Variants in CCDC85A observed in about 807,000 individuals in gnomAD.
CCDC85A encodes coiled-coil domain-containing protein 85A.
Under a neutral mutation model 50.2 loss-of-function variants are expected in CCDC85A, and 38 were observed. The ratio of observed to expected loss-of-function variants is 0.76; its 90% CI spans 0.58 to 0.99. The LOEUF is 0.99. Ranked by LOEUF, CCDC85A falls within the 50% of genes least tolerant of loss-of-function variation. The pLI, the probability that CCDC85A is intolerant of heterozygous loss-of-function variation, is 0.00. For synonymous variants in CCDC85A, 366 were observed against 301.4 expected, an observed-to-expected ratio of 1.21 and a Z score of -2.22; for missense variants, 820 against 742.0, an observed-to-expected ratio of 1.11 and a Z score of -1.22.
intron 2 of CCDC85A, among the ~76,000 whole-genome samples, chr2:56,292,771 G>A (rs1274029954): frequency 6.6e-6 from 1 of 152,150 alleles, no homozygotes; most frequent in Non-Finnish European, 1.5e-5. Flanking sequence ...CATAGGGAAG[G>A]ATTTTTGTTT....
chr2:56,378,073 A>G (rs532737367), intron 5 of CCDC85A, among the ~76,000 whole-genome samples: 13 of 152,312 alleles, frequency 8.5e-5, no homozygotes, highest in African/African-American at 2.9e-4. Context: ...TAGGACACAG[A>G]AATATGTACA....
intron 3 of CCDC85A, 142 bp from the exon 4 acceptor site, chr2:56,372,202 T>C (rs1676106956): frequency 2.8e-6 from 2 of 711,066 alleles, no homozygotes; most frequent in Non-Finnish European, 4.1e-6. Flanking sequence ...TTTTATTTTT[T>C]CCCTAGCTAC....
Position 56,337,385 on chromosome 2 carries a change from CT to C in CCDC85A, c.1241-5490del, listed in dbSNP as rs200888160. Among the ~76,000 whole-genome samples the C allele has an allele frequency of 6.7e-3, 1,024 of 152,256 alleles. 33 individuals are homozygous for C. The highest frequency in any genetic ancestry group is 0.056 in the Admixed American group (855 of 15,296). ...CAGGGTGGAAAGAGAAATAAAATAA[CT>C]TTTGGGAGCTTTAAAGCAAATTGCC... On this transcript the variant is annotated intron_variant, in intron 2 of 5. Transcript: ENST00000407595.
intron 2 of CCDC85A, among the ~76,000 whole-genome samples, chr2:56,203,845 T>G (rs1398782791): frequency 1.3e-5 from 2 of 152,228 alleles, no homozygotes; most frequent in African/African-American, 4.8e-5. Context: ...TAAAATGTGT[T>G]TAAAACACTT....
At chr2:56,310,141 C>A in intron 2 of CCDC85A, among the ~76,000 whole-genome samples, 1 of 152,132 alleles carries the variant, frequency 6.6e-6, no homozygotes, top group East Asian at 1.9e-4. Flanking sequence ...CCATTTTTAA[C>A]CACTGTTTAA....
At chr2:56,331,188 G>T (rs887797898) in intron 2 of CCDC85A, among the ~76,000 whole-genome samples, 1 of 152,112 alleles carries the variant, frequency 6.6e-6, no homozygotes, top group African/African-American at 2.4e-5. Context: ...TGTACACATG[G>T]ACAGAGTGTG....
At chr2:56,228,855 A>G (rs1668658650) in intron 2 of CCDC85A, among the ~76,000 whole-genome samples, 1 of 152,114 alleles carries the variant, frequency 6.6e-6, no homozygotes, top group South Asian at 2.1e-4. Context: ...TATTTCCTCT[A>G]TACCTGACCA....
At chr2:56,252,193 C>T (rs1669792303) in intron 2 of CCDC85A, among the ~76,000 whole-genome samples, 1 of 151,938 alleles carries the variant, frequency 6.6e-6, no homozygotes, top group African/African-American at 2.4e-5. Context: ...ATTACAGGTG[C>T]CTGCCACCAT....
At chr2:56,362,491 AAG>A (rs1675580178) in intron 3 of CCDC85A, among the ~76,000 whole-genome samples, 1 of 152,152 alleles carries the variant, frequency 6.6e-6, no homozygotes, top group African/African-American at 2.4e-5. Flanking sequence ...AGGGAAAAAA[AAG>A]AAGAGCTTTG....
chr2:56,366,658 AGGAAC>A, intron 3 of CCDC85A, among the ~76,000 whole-genome samples: 3 of 152,170 alleles, frequency 2.0e-5, no homozygotes, highest in African/African-American at 7.2e-5. Flanking sequence ...CCAGCATTTT[AGGAAC>A]TCACATTAGC....
At chr2:56,368,170 C>T (rs1050400875) in intron 3 of CCDC85A, among the ~76,000 whole-genome samples, 3 of 152,120 alleles carry the variant, frequency 2.0e-5, no homozygotes, top group East Asian at 1.9e-4. Flanking sequence ...GACTATACAT[C>T]CAGGAAATTA....
At chr2:56,286,004 T>A (rs1428141051) in intron 2 of CCDC85A, among the ~76,000 whole-genome samples, 1 of 151,616 alleles carries the variant, frequency 6.6e-6, no homozygotes, top group Non-Finnish European at 1.5e-5. Flanking sequence ...GGGTTGACAG[T>A]CCCCCCCACC....
intron 2 of CCDC85A, among the ~76,000 whole-genome samples, chr2:56,305,793 A>G (rs762407979): frequency 6.6e-6 from 1 of 152,204 alleles, no homozygotes; most frequent in African/African-American, 2.4e-5. Flanking sequence ...GCTTTGATTA[A>G]TTGCCGAATT....
intron 2 of CCDC85A, among the ~76,000 whole-genome samples, chr2:56,279,084 C>G (rs1019164648): frequency 1.3e-5 from 2 of 152,172 alleles, no homozygotes; most frequent in Non-Finnish European, 2.9e-5. Flanking sequence ...CCACAGTCCC[C>G]TCTCTTCTGG....
intron 5 of CCDC85A, among the ~76,000 whole-genome samples, chr2:56,376,620 T>C (rs1169117253): frequency 6.6e-6 from 1 of 152,138 alleles, no homozygotes; most frequent in African/African-American, 2.4e-5. Flanking sequence ...ATCAGGACTA[T>C]AGGTACAATT....
intron 2 of CCDC85A, among the ~76,000 whole-genome samples, chr2:56,216,488 A>G (rs1677398182): frequency 1.3e-5 from 2 of 151,912 alleles, no homozygotes; most frequent in South Asian, 4.1e-4. Context: ...ACTGCCAATG[A>G]AGCCTTTTAT....
At chr2:56,232,646 A>G (rs1214314927) in intron 2 of CCDC85A, among the ~76,000 whole-genome samples, 1 of 152,098 alleles carries the variant, frequency 6.6e-6, no homozygotes, top group African/African-American at 2.4e-5. Flanking sequence ...GCCACACAGA[A>G]CTGTGAGTCA....
At chr2:56,341,465 T>A (rs1023198062) in intron 2 of CCDC85A, among the ~76,000 whole-genome samples, 2 of 152,210 alleles carry the variant, frequency 1.3e-5, no homozygotes, top group African/African-American at 4.8e-5. Context: ...GTAACAGAAG[T>A]GTGCTCTGGA....
chr2:56,355,978 C>A (rs769711165), intron 3 of CCDC85A, among the ~76,000 whole-genome samples: 10 of 152,174 alleles, frequency 6.6e-5, no homozygotes, highest in Non-Finnish European at 1.5e-4. Context: ...AATAGCCAAG[C>A]TCTATCAATT....
Sources: gnomAD v4.1 joint callset for allele counts (sites outside exome capture counted in the v4.1 genomes callset) on GRCh38, gnomAD v4.1.1 for gene constraint, MANE v1.5 for transcripts, NCBI Gene and HGNC (gene_info 2026-07-23, HGNC 2026-07-21) for gene names.